CNTNAP2: variants seen among roughly 807,000 people sequenced by gnomAD.
The protein encoded by CNTNAP2 is contactin-associated protein-like 2.
A neutral mutation model predicts 155.2 loss-of-function variants in CNTNAP2; 98 were observed. The ratio of observed to expected loss-of-function variants is 0.63; its 90% CI spans 0.54 to 0.75. The LOEUF (loss-of-function observed/expected upper bound fraction) is 0.75, where lower values mean the gene tolerates loss of function less well. Ranked by LOEUF, CNTNAP2 falls within the 30% of genes least tolerant of loss-of-function variation. CNTNAP2 has a pLI of 0.00. For missense variants in CNTNAP2, 1,727 were observed against 1,688.1 expected (o/e 1.02, Z -0.40); for synonymous variants, 651 against 631.2 (o/e 1.03, Z -0.47).
Position 147,548,156 on chromosome 7 carries a change from T to G in CNTNAP2, c.1778-13982T>G, listed in dbSNP as rs553742206. Among the ~76,000 whole-genome samples, 6 of 152,342 alleles carry G rather than the reference T, an allele frequency of 3.9e-5. No individual in the cohort carries two copies. In the East Asian group the frequency reaches 1.2e-3, roughly 29 times the overall value. ...CTGCTGAGTCAAATGGTGTTTCTGGTTCTAGATCCTTGAGGAATTGCCACA... is the reference window on the plus strand; with the variant it reads ...CTGCTGAGTCAAATGGTGTTTCTGGGTCTAGATCCTTGAGGAATTGCCACA... On this transcript the variant is annotated intron_variant, in intron 11 of 23. Transcript: ENST00000361727.
intron 21 of CNTNAP2, among the ~76,000 whole-genome samples, chr7:148,330,239 TGGAATGGATC>T (rs1375879506): frequency 7.4e-6 from 1 of 134,706 alleles, no homozygotes; most frequent in African/African-American, 2.8e-5. Context: ...AATGGATGGA[TGGAATGGATC>T]GATGGAGTGG....
intron 4 of CNTNAP2, among the ~76,000 whole-genome samples, chr7:147,053,132 G>A (rs1799502655): frequency 6.6e-6 from 1 of 152,038 alleles, no homozygotes. Context: ...AATGATGAAA[G>A]TGCACATGAT....
intron 1 of CNTNAP2, among the ~76,000 whole-genome samples, chr7:146,300,142 T>C (rs559963030): frequency 9.2e-5 from 14 of 152,148 alleles, no homozygotes; most frequent in African/African-American, 2.9e-4. Flanking sequence ...CTGAGAAAAA[T>C]AAACCTTTAC....
intron 10 of CNTNAP2, among the ~76,000 whole-genome samples, chr7:147,415,127 A>G (rs13247132): frequency 0.18 from 27,663 of 151,676 alleles, 3,027 homozygotes; most frequent in Non-Finnish European, 0.25. Context: ...ACCTTTGTAT[A>G]CCTCCCTCAA....
chr7:148,110,690 C>T (rs1297544020), intron 15 of CNTNAP2, among the ~76,000 whole-genome samples: 3 of 152,116 alleles, frequency 2.0e-5, no homozygotes, highest in Admixed American at 6.5e-5. Flanking sequence ...AGGCAAGGGC[C>T]GGGCTCAGAG....
intron 11 of CNTNAP2, among the ~76,000 whole-genome samples, chr7:147,557,155 T>C (rs973667011): frequency 1.3e-5 from 2 of 152,094 alleles, no homozygotes; most frequent in East Asian, 1.9e-4. Flanking sequence ...TCCCAGCTGC[T>C]TGGGAAGCTA....
chr7:146,189,000 A>G (rs1266250498), intron 1 of CNTNAP2, among the ~76,000 whole-genome samples: 1 of 152,220 alleles, frequency 6.6e-6, no homozygotes, highest in Non-Finnish European at 1.5e-5. Context: ...GAGTTTTACT[A>G]GTAATGATGT....
chr7:147,245,332 C>A (rs1015969757), intron 8 of CNTNAP2, among the ~76,000 whole-genome samples: 6 of 152,128 alleles, frequency 3.9e-5, no homozygotes, highest in East Asian at 3.9e-4. Context: ...CACAAAATGA[C>A]CTTCCTCAGT....
At chr7:147,740,487 T>C (rs995895916) in intron 13 of CNTNAP2, among the ~76,000 whole-genome samples, 2 of 152,224 alleles carry the variant, frequency 1.3e-5, no homozygotes, top group Admixed American at 6.5e-5. Context: ...AATAATCTTA[T>C]AAAAAAATTG....
intron 17 of CNTNAP2, among the ~76,000 whole-genome samples, chr7:148,170,961 C>A (rs1562982766): frequency 6.6e-6 from 1 of 152,138 alleles, no homozygotes; most frequent in Non-Finnish European, 1.5e-5. Flanking sequence ...ATCTATGAGA[C>A]CCCTGACTGG....
At chr7:148,153,947 C>G (rs1805354002) in intron 17 of CNTNAP2, among the ~76,000 whole-genome samples, 1 of 152,220 alleles carries the variant, frequency 6.6e-6, no homozygotes, top group Non-Finnish European at 1.5e-5. Flanking sequence ...GGGAGGAGAT[C>G]AGAGTTACAA....
intron 1 of CNTNAP2, among the ~76,000 whole-genome samples, chr7:146,446,185 A>C (rs937225250): frequency 6.6e-6 from 1 of 152,206 alleles, no homozygotes; most frequent in Non-Finnish European, 1.5e-5. Flanking sequence ...CTACTGCTTA[A>C]ATAAAAAATA....
intron 3 of CNTNAP2, among the ~76,000 whole-genome samples, chr7:146,928,999 C>G (rs980544310): frequency 6.6e-6 from 1 of 152,234 alleles, no homozygotes; most frequent in East Asian, 1.9e-4. Context: ...GGCTCCACCT[C>G]TGGGGGCAGG....
At chr7:146,857,125 G>A (rs776835965) in intron 3 of CNTNAP2, among the ~76,000 whole-genome samples, 14 of 151,980 alleles carry the variant, frequency 9.2e-5, no homozygotes, top group Non-Finnish European at 1.9e-4. Context: ...CTATTTGGAA[G>A]TAAGTGAACA....
chr7:147,977,041 T>G (rs150203587), intron 14 of CNTNAP2, among the ~76,000 whole-genome samples: 1 of 152,214 alleles, frequency 6.6e-6, no homozygotes, highest in Non-Finnish European at 1.5e-5. Flanking sequence ...AGGCCACTGA[T>G]TTTCCATGAA....
chr7:148,198,461 A>AT (rs1795312589), intron 18 of CNTNAP2, among the ~76,000 whole-genome samples: 1 of 151,886 alleles, frequency 6.6e-6, no homozygotes, highest in African/African-American at 2.4e-5. Context: ...CTTCATGGGG[A>AT]TTTTTCCTAA....
chr7:148,188,608 A>T (rs575482944), intron 18 of CNTNAP2, among the ~76,000 whole-genome samples: 1 of 152,340 alleles, frequency 6.6e-6, no homozygotes, highest in South Asian at 2.1e-4. Context: ...TCTTCTACTA[A>T]GATCCAGAAT....
chr7:147,978,049 G>A lies in CNTNAP2; in HGVS notation c.2383+60G>A. The A allele has an allele frequency of 1.9e-6, 3 of 1,604,676 alleles. No homozygotes were observed. The African/African-American group carries it at 4.0e-5, about 21-fold the overall frequency. On this transcript the variant is annotated intron_variant, in intron 15 of 23. Transcript: ENST00000361727. Reference sequence around the variant, plus strand: ...TTATCCCATTTAAATATTGTTTCCAGGCTCCTCAGAAGATGCCTGCAATCA... The same window carrying A: ...TTATCCCATTTAAATATTGTTTCCAAGCTCCTCAGAAGATGCCTGCAATCA...
intron 13 of CNTNAP2, among the ~76,000 whole-genome samples, chr7:147,728,278 AAAT>A (rs769290341): frequency 4.6e-5 from 7 of 152,104 alleles, no homozygotes; most frequent in Non-Finnish European, 7.4e-5. Context: ...AATGGTAAAT[AAAT>A]AACTCTAATT....
Sources: gnomAD v4.1 joint callset for allele counts (sites outside exome capture counted in the v4.1 genomes callset) on GRCh38, gnomAD v4.1.1 for gene constraint, MANE v1.5 for transcripts, NCBI Gene and HGNC (gene_info 2026-07-23, HGNC 2026-07-21) for gene names.